Variants in NF1 observed in about 807,000 individuals in gnomAD.
NF1 encodes neurofibromin.
A neutral mutation model predicts 325.7 loss-of-function variants in NF1; 122 were observed. The ratio of observed to expected loss-of-function variants is 0.37; its 90% CI spans 0.32 to 0.44. NF1 has a LOEUF of 0.44. NF1 is among the 20% of genes least tolerant of loss of function. NF1 has a pLI of 1.00. For missense variants in NF1, 2,140 were observed against 3,415.4 expected (o/e 0.63, Z 9.31); for synonymous variants, 1,091 against 1,186.0 (o/e 0.92, Z 1.65).
rs1597688734 is a variant in NF1 at position 31,206,253 on chromosome 17, G to A, written c.1274G>A (p.Trp425Ter). Residue 425 changes from tryptophan (W) to a stop codon, truncating the protein, a stop_gained, in exon 12 of 58, where the codon TGG becomes TAG. Transcript: ENST00000358273. LOFTEE classifies it high-confidence loss of function. ...HRIITNSALDWWPKIDAVYCH... is the reference protein window; with the variant it reads ...HRIITNSALD ...GTTTTTCTCTAGTCCGCATTGGATTGGTGGCCTAAGATTGATGCTGTGTAT... is the reference window on the plus strand; with the variant it reads ...GTTTTTCTCTAGTCCGCATTGGATTAGTGGCCTAAGATTGATGCTGTGTAT... 1 of 1,613,672 alleles carries A rather than the reference G, an allele frequency of 6.2e-7. No homozygotes were observed. Among genetic ancestry groups the A allele is most frequent in the Non-Finnish European group, 8.5e-7 (1 of 1,179,704 alleles).
chr17:31,352,440 T>A, intron 51 of NF1, 26 bp downstream of exon 51: 2 of 1,517,762 alleles, frequency 1.3e-6, no homozygotes, highest in Middle Eastern at 2.1e-4. Flanking sequence ...TTATGTAGAT[T>A]TTTTTTATTA....
intron 1 of NF1, among the ~76,000 whole-genome samples, chr17:31,101,204 T>C (rs554382134): frequency 6.6e-6 from 1 of 152,184 alleles, no homozygotes; most frequent in African/African-American, 2.4e-5. Context: ...CAAAACATAG[T>C]GGTCATTGCT....
At chr17:31,320,039 T>C (rs970161660) in intron 36 of NF1, among the ~76,000 whole-genome samples, 9 of 152,104 alleles carry the variant, frequency 5.9e-5, no homozygotes, top group African/African-American at 1.9e-4. Flanking sequence ...AGTTATATTA[T>C]ACATTTTTTA....
Position 31,223,673 on chromosome 17 carries a change from C to T in NF1, c.1845+106C>T. 4 of 1,081,336 alleles carry T rather than the reference C, an allele frequency of 3.7e-6. No homozygotes were observed. The South Asian group carries it at 5.3e-5, about 14-fold the overall frequency. 67.0% of individuals were successfully genotyped at this position (1,081,336 alleles called of 1,614,324 possible). On this transcript the variant is annotated intron_variant, in intron 16 of 57. Coordinates refer to ENST00000358273, the MANE Select transcript of NF1 (RefSeq NM_001042492.3). The stretch of plus-strand genomic sequence containing the variant: ...AAATTAGGTTCTATTTCAGCTTCTC[C>T]TTCCTCCCAATGTTCTCAAAAGGAA...
At chr17:31,274,725 T>C (rs1035850487) in intron 36 of NF1, among the ~76,000 whole-genome samples, 7 of 73,468 alleles carry the variant, frequency 9.5e-5, no homozygotes, top group Non-Finnish European at 1.3e-4. Flanking sequence ...GGGGGGTATA[T>C]AGTTGGTAAT....
chr17:31,376,031 T>C lies in NF1; in HGVS notation c.*1876T>C, dbSNP rs903403800. ...CTGCATTAGAAGAAAATGTTTATAA[T>C]GACAGAGCAACTATGACTATATAAA... On this transcript the variant is annotated 3_prime_UTR_variant, in exon 58 of 58. Transcript: ENST00000358273. 8.6e-6 allele frequency: 2 copies of C among 233,156 alleles called. No individual in the cohort carries two copies. Among genetic ancestry groups the C allele is most frequent in the Non-Finnish European group, 1.7e-5 (2 of 117,762 alleles). The allele number at this position is 233,156 out of a possible 1,614,324, so 14.4% of individuals were successfully genotyped here.
intron 1 of NF1, among the ~76,000 whole-genome samples, chr17:31,110,846 G>T (rs1014997169): frequency 2.6e-5 from 4 of 151,784 alleles, no homozygotes; most frequent in African/African-American, 9.7e-5. Context: ...AAACTTTGGC[G>T]CAGGACTCTA....
chr17:31,208,850 C>T (rs1473728887), intron 12 of NF1, among the ~76,000 whole-genome samples: 4 of 151,966 alleles, frequency 2.6e-5, no homozygotes, highest in African/African-American at 7.3e-5. Flanking sequence ...GAGATGGCGC[C>T]ATTGCACCCC....
chr17:31,157,558 T>C (rs1188677225), intron 2 of NF1, among the ~76,000 whole-genome samples: 1 of 152,176 alleles, frequency 6.6e-6, no homozygotes, highest in Non-Finnish European at 1.5e-5. Context: ...TCAATACATA[T>C]AATACATAGT....
rs1411659380 is a variant in NF1, at chr17:31,375,287, CA to C, written c.*1139del. On this transcript the variant is annotated 3_prime_UTR_variant, in exon 58 of 58. Transcript: ENST00000358273. ...GTCTTTTAATCTTCCTCCTCCTCTC[CA>C]AAAAAATCAGAAACCTCTTTAAGAA... is the stretch of plus-strand genomic sequence containing the variant. 4.4e-6 allele frequency: 1 copy of C among 227,794 alleles called. No individual in the cohort carries two copies. The highest frequency in any genetic ancestry group is 8.7e-6 in the Non-Finnish European group (1 of 114,464). 14.1% of individuals were successfully genotyped at this position (227,794 alleles called of 1,614,324 possible).
At chr17:31,172,164 T>C (rs924534437) in intron 5 of NF1, among the ~76,000 whole-genome samples, 7 of 151,910 alleles carry the variant, frequency 4.6e-5, no homozygotes, top group African/African-American at 1.5e-4. Flanking sequence ...GACCCCCATA[T>C]ATACAAAAAA....
At chr17:31,365,594 G>A in intron 57 of NF1, among the ~76,000 whole-genome samples, 1 of 152,108 alleles carries the variant, frequency 6.6e-6, no homozygotes, top group Non-Finnish European at 1.5e-5. Context: ...ATAGTGCACT[G>A]TAGAAAATAC....
intron 57 of NF1, 103 bp from the exon 58 acceptor site, chr17:31,373,910 T>C (rs2151600878): frequency 6.2e-6 from 9 of 1,448,488 alleles, no homozygotes; most frequent in Non-Finnish European, 8.7e-6. Context: ...GCCTAATGAT[T>C]GTTTCCTAGA....
chr17:31,359,031 T>G lies in NF1; in HGVS notation c.8160+16T>G, dbSNP rs1597868862. 1 of 1,612,304 alleles carries G rather than the reference T, an allele frequency of 6.2e-7. No individual in the cohort carries two copies. The highest frequency in any genetic ancestry group is 8.5e-7 in the Non-Finnish European group (1 of 1,178,718). The stretch of plus-strand genomic sequence containing the variant: ...GTTTTCAAAGGTAAGAAAATATATT[T>G]TTCTCTAACTTTTGGCAAAATGAAG... On this transcript the variant is annotated intron_variant, in intron 56 of 57. Transcript: ENST00000358273.
At chr17:31,300,852 A>G (rs548772902) in intron 36 of NF1, among the ~76,000 whole-genome samples, 2 of 152,208 alleles carry the variant, frequency 1.3e-5, no homozygotes, top group Middle Eastern at 6.8e-3. Context: ...CTGATAGGCA[A>G]GTATCTCCAT....
Position 31,247,670 on chromosome 17 carries a change from G to T in NF1, c.3975-1314G>T, listed in dbSNP as rs1439362377. 2.0e-5 allele frequency among the ~76,000 whole-genome samples: 3 copies of T among 152,106 alleles called. No individual in the cohort carries two copies. The East Asian group carries it at 5.8e-4, about 29-fold the overall frequency. On this transcript the variant is annotated intron_variant, in intron 29 of 57. Transcript: ENST00000358273. ...CAATAACTCAGAAATTTCATTTTTA[G>T]GTAGCTGCCTTAGAGAATCTCTTAT... is the stretch of plus-strand genomic sequence containing the variant.
intron 36 of NF1, among the ~76,000 whole-genome samples, chr17:31,306,247 C>G (rs924424845): frequency 2.6e-5 from 4 of 152,194 alleles, no homozygotes; most frequent in East Asian, 1.9e-4. Flanking sequence ...TCTGTCCTCA[C>G]CCTTACCTAC....
chr17:31,238,336 A>T (rs894866433), intron 29 of NF1, among the ~76,000 whole-genome samples: 2 of 152,116 alleles, frequency 1.3e-5, no homozygotes, highest in Non-Finnish European at 2.9e-5. Context: ...ATCCCTAGCA[A>T]AGGTTTGCCC....
Position 31,229,474 on chromosome 17 carries a change from T to G in NF1, c.2850+9T>G, listed in dbSNP as rs749655343. ...TTGACTCCCAAGGACAGGTAAAGTG[T>G]TCTCTTATTTTTCACCTTTCTCTAT... On this transcript the variant is annotated intron_variant, in intron 21 of 57. Transcript: ENST00000358273. 1 of 1,612,112 alleles carries G rather than the reference T, an allele frequency of 6.2e-7. No homozygotes were observed.
Sources: gnomAD v4.1 joint callset for allele counts (sites outside exome capture counted in the v4.1 genomes callset) on GRCh38, gnomAD v4.1.1 for gene constraint, MANE v1.5 for transcripts, NCBI Gene and HGNC (gene_info 2026-07-23, HGNC 2026-07-21) for gene names.